The following NEGR1 variants were observed in gnomAD, a reference collection of about 807,000 sequenced individuals.
The protein encoded by NEGR1 is neuronal growth regulator 1.
In NEGR1, 10 loss-of-function variants were observed where a neutral mutation model predicts 40.9. The observed-to-expected ratio is 0.24, with a 90% CI of 0.15 to 0.42. NEGR1 has a LOEUF of 0.42. NEGR1 is among the 10% of genes least tolerant of loss of function. NEGR1 has a pLI of 1.00. For missense variants in NEGR1, 352 were observed against 438.9 expected (o/e 0.80, Z 1.77); for synonymous variants, 185 against 166.8 (o/e 1.11, Z -0.84).
intron 1 of NEGR1, among the ~76,000 whole-genome samples, chr1:72,188,743 T>A (rs1172755085): frequency 2.0e-5 from 3 of 148,564 alleles, no homozygotes; most frequent in Non-Finnish European, 4.5e-5. Flanking sequence ...AATTTAGATT[T>A]AAAAACAATT....
chr1:71,796,723 A>C (rs1358043294), intron 2 of NEGR1, among the ~76,000 whole-genome samples: 1 of 152,160 alleles, frequency 6.6e-6, no homozygotes, highest in Non-Finnish European at 1.5e-5. Flanking sequence ...TTAAGGCAGG[A>C]GTCATACTTC....
chr1:71,533,206 T>C (rs1183613102), intron 6 of NEGR1, among the ~76,000 whole-genome samples: 1 of 151,622 alleles, frequency 6.6e-6, no homozygotes, highest in Non-Finnish European at 1.5e-5. Context: ...AGACATGCCC[T>C]TAGAATTCCC....
At chr1:71,907,297 G>A (rs544558590) in intron 2 of NEGR1, among the ~76,000 whole-genome samples, 226 of 151,992 alleles carry the variant, frequency 1.5e-3, no homozygotes, top group Non-Finnish European at 2.9e-3. Flanking sequence ...AACTTAATGA[G>A]GTAATATAAT....
At chr1:72,090,118 T>C (rs1176209396) in intron 1 of NEGR1, among the ~76,000 whole-genome samples, 1 of 152,044 alleles carries the variant, frequency 6.6e-6, no homozygotes, top group Non-Finnish European at 1.5e-5. Flanking sequence ...AGTAAGAAGA[T>C]AGTTGGGTAT....
intron 1 of NEGR1, among the ~76,000 whole-genome samples, chr1:72,040,732 A>C (rs780381583): frequency 6.6e-6 from 1 of 151,900 alleles, no homozygotes; most frequent in Non-Finnish European, 1.5e-5. Context: ...TTGAAATGAA[A>C]TATGTGACTA....
At chr1:71,544,684 T>C (rs1473960458) in intron 6 of NEGR1, among the ~76,000 whole-genome samples, 2 of 151,734 alleles carry the variant, frequency 1.3e-5, no homozygotes, top group African/African-American at 4.8e-5. Context: ...AATTATCTCC[T>C]GTCTGACAGC....
At chr1:72,041,891 A>ATG (rs981787754) in intron 1 of NEGR1, among the ~76,000 whole-genome samples, 49 of 144,648 alleles carry the variant, frequency 3.4e-4, no homozygotes, top group Non-Finnish European at 6.8e-4. Context: ...ACATATAAAT[A>ATG]TATATTTGAG....
At chr1:72,199,518 CA>C (rs932344367) in intron 1 of NEGR1, among the ~76,000 whole-genome samples, 2 of 151,916 alleles carry the variant, frequency 1.3e-5, no homozygotes, top group African/African-American at 4.8e-5. Flanking sequence ...CCCATTTAAC[CA>C]GCTATGAGAA....
intron 6 of NEGR1, among the ~76,000 whole-genome samples, chr1:71,569,763 G>A (rs1221648489): frequency 1.3e-5 from 2 of 152,154 alleles, no homozygotes; most frequent in Non-Finnish European, 2.9e-5. Flanking sequence ...GACAGAAAGT[G>A]TCATTATATG....
intron 1 of NEGR1, among the ~76,000 whole-genome samples, chr1:72,280,922 T>C (rs1014629306): frequency 2.6e-5 from 4 of 151,942 alleles, no homozygotes; most frequent in Non-Finnish European, 5.9e-5. Flanking sequence ...TTCAGGGAAA[T>C]GTGAGGTGGG....
At chr1:71,943,145 A>G (rs1645986350) in intron 1 of NEGR1, among the ~76,000 whole-genome samples, 1 of 143,556 alleles carries the variant, frequency 7.0e-6, no homozygotes, top group South Asian at 2.2e-4. Flanking sequence ...GTGTGTATAT[A>G]TATATAAAAC....
chr1:71,774,718 A>G (rs1270111295), intron 3 of NEGR1, among the ~76,000 whole-genome samples: 1 of 152,220 alleles, frequency 6.6e-6, no homozygotes, highest in Non-Finnish European at 1.5e-5. Context: ...ATCAAATTTC[A>G]TTCATCTGAA....
intron 2 of NEGR1, among the ~76,000 whole-genome samples, chr1:71,898,687 A>T (rs1024554096): frequency 9.2e-5 from 14 of 151,744 alleles, no homozygotes; most frequent in Non-Finnish European, 1.6e-4. Context: ...ATGTTTAAAT[A>T]CACGTTTGGA....
chr1:71,475,545 T>C (rs1646814038), intron 6 of NEGR1, among the ~76,000 whole-genome samples: 1 of 152,010 alleles, frequency 6.6e-6, no homozygotes, highest in East Asian at 1.9e-4. Context: ...TATTTTCCCA[T>C]TTAAAATTTG....
chr1:72,100,668 T>C (rs1272666787), intron 1 of NEGR1: 1 of 152,206 alleles, frequency 6.6e-6, no homozygotes, highest in African/African-American at 2.4e-5. Context: ...GAGTGTCTCA[T>C]ATGATAGGGA....
chr1:71,842,821 C>A (rs1430495875), intron 2 of NEGR1, among the ~76,000 whole-genome samples: 1 of 152,150 alleles, frequency 6.6e-6, no homozygotes, highest in African/African-American at 2.4e-5. Context: ...CTTAACTTAG[C>A]AAGCTCTGTT....
chr1:72,086,181 AT>A (rs1648214446), intron 1 of NEGR1, among the ~76,000 whole-genome samples: 1 of 152,172 alleles, frequency 6.6e-6, no homozygotes, highest in Non-Finnish European at 1.5e-5. Flanking sequence ...ACATATTTGA[AT>A]TACTAGTTAC....
chr1:72,078,212 G>A (rs1647832933), intron 1 of NEGR1, among the ~76,000 whole-genome samples: 1 of 152,090 alleles, frequency 6.6e-6, no homozygotes, highest in African/African-American at 2.4e-5. Flanking sequence ...ATCAGACACA[G>A]CAGAGATGTG....
At chr1:72,134,660 T>A (rs1650384109) in intron 1 of NEGR1, among the ~76,000 whole-genome samples, 1 of 131,118 alleles carries the variant, frequency 7.6e-6, no homozygotes, top group African/African-American at 2.8e-5. Flanking sequence ...TTTTTTTTTT[T>A]AACTACTCAA....
Sources: gnomAD v4.1 joint callset for allele counts (sites outside exome capture counted in the v4.1 genomes callset) on GRCh38, gnomAD v4.1.1 for gene constraint, MANE v1.5 for transcripts, NCBI Gene and HGNC (gene_info 2026-07-23, HGNC 2026-07-21) for gene names.